The following G3BP2 variants were observed in gnomAD, a reference collection of about 807,000 sequenced individuals.
G3BP2 encodes ras GTPase-activating protein-binding protein 2.
Under a neutral mutation model 56.7 loss-of-function variants are expected in G3BP2, and 11 were observed. The observed-to-expected ratio is 0.19, with a 90% CI of 0.12 to 0.32. The LOEUF is 0.32. G3BP2 is among the 10% of genes least tolerant of loss of function. The probability of loss-of-function intolerance (pLI) is 1.00; values close to 1 mark genes in which losing one functional copy is unlikely to be tolerated. For synonymous variants in G3BP2, 165 were observed against 191.6 expected (o/e 0.86, Z 1.15); for missense variants, 340 against 610.9 (o/e 0.56, Z 4.67).
chr4:75,661,404 CAT>C (rs980836477), intron 2 of G3BP2: 1 of 152,062 alleles, frequency 6.6e-6, no homozygotes, highest in Non-Finnish European at 1.5e-5. Context: ...GTTGGGATTA[CAT>C]GAGTGAGAGA....
At chr4:75,678,296 TTGTGTGTGTG>T (rs57550763), upstream of G3BP2, among the ~76,000 whole-genome samples, 6,242 of 144,520 alleles carry the variant, frequency 0.043, 150 homozygotes, top group Non-Finnish European at 0.047. Flanking sequence ...CGTGCCTAGC[TTGTGTGTGTG>T]TGTGTGTGTG....
At chr4:75,646,572 C>T (rs1400145017) in intron 10 of G3BP2, 116 bp from the exon 11 acceptor site, 1 of 732,558 alleles carries the variant, frequency 1.4e-6, no homozygotes, top group Non-Finnish European at 2.4e-6. Context: ...ATAAAACTCG[C>T]AAGCTTCTAC....
At chr4:75,655,936 T>A (rs60833840) in intron 5 of G3BP2, 66 bp from the exon 6 acceptor site, 1 of 874,918 alleles carries the variant, frequency 1.1e-6, no homozygotes, top group Non-Finnish European at 1.9e-6. Context: ...GACATATTTT[T>A]AACATGTTTA....
In G3BP2 at chr4:75,645,385, C is replaced by T. The variant is rs564900543; in HGVS notation, c.*45G>A. On this transcript the variant is annotated 3_prime_UTR_variant, in exon 12 of 12. Transcript: ENST00000359707. ...AAAAAAATTAACAAGAATGCAAACACGATGAATAATGTACCACTGCCAAGA... is the reference window on the plus strand; with the variant it reads ...AAAAAAATTAACAAGAATGCAAACATGATGAATAATGTACCACTGCCAAGA... 3.2e-6 allele frequency: 5 copies of T among 1,547,094 alleles called. No individual in the cohort carries two copies. Among genetic ancestry groups the T allele is most frequent in the Non-Finnish European group, 4.4e-6 (5 of 1,143,102 alleles).
rs149601060 is a variant in G3BP2 at position 75,722,284 on chromosome 4, A to G, written c.-165-40T>C. Among the ~76,000 whole-genome samples the G allele has an allele frequency of 8.1e-3, 1,228 of 152,306 alleles. 22 individuals carry two copies. The highest frequency in any genetic ancestry group is 0.028 in the African/African-American group (1,180 of 41,562). On this transcript the variant is annotated intron_variant, in intron 1 of 3. Transcript: ENST00000499709. ...AACAGGTCAAATGCAGGGAAAATTCATAGTAAGCTGTTACTACTACACTCA... is the reference window on the plus strand; with the variant it reads ...AACAGGTCAAATGCAGGGAAAATTCGTAGTAAGCTGTTACTACTACACTCA...
intron 3 of G3BP2, among the ~76,000 whole-genome samples, chr4:75,709,258 A>G (rs967587958): frequency 1.4e-4 from 22 of 152,058 alleles, no homozygotes; most frequent in African/African-American, 5.3e-4. Flanking sequence ...TATCTCTACT[A>G]AAAATACAAA....
chr4:75,704,740 C>A (rs1167840623), intron 3 of G3BP2, among the ~76,000 whole-genome samples: 1 of 152,070 alleles, frequency 6.6e-6, no homozygotes. Context: ...TCAAGCGATT[C>A]TTCTGCCTCA....
chr4:75,663,379 C>T (rs1248138755), intron 1 of G3BP2, among the ~76,000 whole-genome samples: 1 of 150,230 alleles, frequency 6.7e-6, no homozygotes, highest in African/African-American at 2.5e-5. Context: ...GCGATCCTCC[C>T]CGCTAAATCT....
chr4:75,690,267 C>T (rs998239188), intron 3 of G3BP2, among the ~76,000 whole-genome samples: 3 of 152,056 alleles, frequency 2.0e-5, no homozygotes, highest in Non-Finnish European at 4.4e-5. Context: ...AACCCTGTCT[C>T]TACTAAAAAT....
chr4:75,655,737 C>T, intron 6 of G3BP2, 31 bp downstream of exon 6: 1 of 1,188,244 alleles, frequency 8.4e-7, no homozygotes, highest in South Asian at 1.2e-5. Flanking sequence ...ATAGTTCAGA[C>T]CAAATTTAAC....
chr4:75,662,894 C>T (rs1471098559), intron 1 of G3BP2, among the ~76,000 whole-genome samples: 1 of 152,204 alleles, frequency 6.6e-6, no homozygotes, highest in Non-Finnish European at 1.5e-5. Context: ...ACACTCATGG[C>T]AAAGCACCAT....
chr4:75,645,540 G>T lies in G3BP2; in HGVS notation c.1339C>A (p.Arg447Ser). The T allele has an allele frequency of 3.1e-6, 5 of 1,613,630 alleles. No homozygotes were observed. The highest frequency in any genetic ancestry group is 4.2e-6 in the Non-Finnish European group (5 of 1,179,930). ...GGAGGTCCTCTTCCATCACGATCAC[G>T]CATCATTCCACCACCCACAATTCCA... ...PRGIVGGGMMRDRDGRGPPPR... is the reference protein window; with the variant it reads ...PRGIVGGGMMSDRDGRGPPPR... The change falls in exon 12 of 12, where the codon CGT (arginine) becomes AGT (serine). Residue 447 changes from arginine (R) to serine (S), a missense_variant. Coordinates refer to ENST00000359707, the MANE Select transcript of G3BP2 (RefSeq NM_203505.3).
chr4:75,720,266 G>C (rs1720108384), intron 3 of G3BP2, among the ~76,000 whole-genome samples: 1 of 151,218 alleles, frequency 6.6e-6, no homozygotes, highest in African/African-American at 2.4e-5. Context: ...TGTAATCCCA[G>C]CACTCTGGGA....
In G3BP2 at chr4:75,673,245, G is replaced by A. The variant is rs571532580; in HGVS notation, c.-62C>T. 7.9e-5 allele frequency: 97 copies of A among 1,220,786 alleles called. No homozygotes were observed. In the East Asian group the frequency reaches 1.3e-3, roughly 16 times the overall value. 75.6% of individuals were successfully genotyped at this position (1,220,786 alleles called of 1,614,324 possible). On this transcript the variant is annotated 5_prime_UTR_variant, in exon 1 of 12. Transcript: ENST00000359707. ...GCGGCGGCGGGTACGTCGCGCGGAG[G>A]TCAGAAGAGTCGCTGAGGACCGGGT...
upstream of G3BP2, chr4:75,673,511 A>G: frequency 8.1e-7 from 1 of 1,231,994 alleles, no homozygotes; most frequent in Non-Finnish European, 1.0e-6. Flanking sequence ...CATCTCCTCC[A>G]GAGCCGGACC....
At chr4:75,684,644 C>T (rs1407301656) in intron 3 of G3BP2, among the ~76,000 whole-genome samples, 1 of 152,116 alleles carries the variant, frequency 6.6e-6, no homozygotes, top group Non-Finnish European at 1.5e-5. Flanking sequence ...CTCCTCGGTT[C>T]AGGTGATCCT....
At chr4:75,660,837 C>G (rs78663426) in intron 2 of G3BP2, among the ~76,000 whole-genome samples, 1 of 152,034 alleles carries the variant, frequency 6.6e-6, no homozygotes, top group Non-Finnish European at 1.5e-5. Flanking sequence ...CTTCTACTTG[C>G]TAAGATACAC....
rs746886063 is a variant in G3BP2 at position 75,655,817 on chromosome 4, G to T, written c.496C>A (p.Pro166Thr). Residue 166 changes from proline (P) to threonine (T), a missense_variant, in exon 6 of 12, where the codon CCT (proline) becomes ACT (threonine). Physicochemically the swap from Pro to Thr is conservative, Grantham distance 38. Around this residue, in one of 4 missense-constraint regions of G3BP2, gnomAD observed 224 missense variants for 332.5 expected, o/e 0.67. Coordinates refer to ENST00000359707, the MANE Select transcript of G3BP2 (RefSeq NM_203505.3). ...EQEERQPSPE[P>T]VQENANSGYY... ...CCACTGTTAGCATTTTCTTGCACAGGTTCAGGAGATGGTTGTCTTTCTTCT... is the reference window on the plus strand; with the variant it reads ...CCACTGTTAGCATTTTCTTGCACAGTTTCAGGAGATGGTTGTCTTTCTTCT... The T allele has an allele frequency of 1.2e-6, 2 of 1,603,956 alleles. No homozygotes were observed. The highest frequency in any genetic ancestry group is 1.7e-5 in the Admixed American group (1 of 59,976).
chr4:75,713,459 G>A (rs750157894), intron 3 of G3BP2, among the ~76,000 whole-genome samples: 17 of 152,250 alleles, frequency 1.1e-4, no homozygotes, highest in East Asian at 5.8e-4. Flanking sequence ...GGAGAAGACC[G>A]GTAGACAGTA....
Sources: gnomAD v4.1 joint callset for allele counts (sites outside exome capture counted in the v4.1 genomes callset) on GRCh38, gnomAD v4.1.1 for gene constraint, gnomAD v4.1.1 regional missense constraint, MANE v1.5 for transcripts, NCBI Gene and HGNC (gene_info 2026-07-23, HGNC 2026-07-21) for gene names.